The following CCL18 variants were observed in gnomAD, a reference collection of about 807,000 sequenced individuals.
CCL18 encodes the protein C-C motif chemokine 18.
A neutral mutation model predicts 8.0 loss-of-function variants in CCL18; 7 were observed. That is an observed-to-expected ratio of 0.87 (90% confidence interval 0.50 to 1.64). The LOEUF (loss-of-function observed/expected upper bound fraction) is 1.64, where lower values mean the gene tolerates loss of function less well. CCL18 is among the 40% of genes most tolerant of loss of function. CCL18 has a pLI of 0.00. For missense variants in CCL18, 95 were observed against 107.8 expected (o/e 0.88, Z 0.52); for synonymous variants, 35 against 41.3 (o/e 0.85, Z 0.59).
rs544452516 is a variant in CCL18, at chr17:36,064,405, A to C, written c.63A>C (p.Ala21=). Residue 21 remains alanine (A), a synonymous_variant, in exon 1 of 3, where the codon GCA becomes GCC. Coordinates refer to ENST00000616054, the MANE Select transcript of CCL18 (RefSeq NM_002988.4). ...LVCTMALCSC[A]QVGTNKELCC... is the part of the protein sequence containing the mutation. ...GCACCATGGCCCTCTGCTCCTGTGC[A>C]CAAGGTGAGTCTGTCATCCATGTGC... The C allele has an allele frequency of 1.6e-5, 26 of 1,613,414 alleles. No homozygotes were observed. The East Asian group carries it at 5.8e-4, about 36-fold the overall frequency.
In CCL18 at chr17:36,070,588, G is replaced by T. The variant is rs546643687; in HGVS notation, c.179+30G>T. 1.4e-4 allele frequency: 199 copies of T among 1,381,328 alleles called. 1 individual carries two copies. In the South Asian group the frequency reaches 2.1e-3, roughly 15 times the overall value. The allele number at this position is 1,381,328 out of a possible 1,614,324, so 85.6% of individuals were successfully genotyped here. A position where few individuals can be genotyped will look rare whatever the true frequency, so the allele number is the denominator to read the frequency against. On this transcript the variant is annotated intron_variant, in intron 2 of 2. Coordinates refer to ENST00000616054, the MANE Select transcript of CCL18 (RefSeq NM_002988.4). The stretch of plus-strand genomic sequence containing the variant: ...GTGCCAGTGCTCCTGCCCACCCCTC[G>T]GGAGGGAGGATGGGAGGTTTGGGGT...
At chr17:36,066,293 C>A (rs2066836618) in intron 1 of CCL18, among the ~76,000 whole-genome samples, 1 of 152,180 alleles carries the variant, frequency 6.6e-6, no homozygotes, top group Non-Finnish European at 1.5e-5. Flanking sequence ...TCTCACGGGA[C>A]AGATGAGACT....
chr17:36,065,543 G>A (rs1244378122), intron 1 of CCL18, among the ~76,000 whole-genome samples: 3 of 152,180 alleles, frequency 2.0e-5, no homozygotes, highest in African/African-American at 7.2e-5. Context: ...GCCAGGGTAA[G>A]AGCACCAGCT....
In CCL18 at chr17:36,064,332, T is replaced by C. The variant is rs1471292532; in HGVS notation, c.-11T>C. On this transcript the variant is annotated 5_prime_UTR_variant, in exon 1 of 3. Coordinates refer to ENST00000616054, the MANE Select transcript of CCL18 (RefSeq NM_002988.4). Reference sequence around the variant, plus strand: ...AGCTCACTCTGACCACTTCTCTGCCTGCCCAGCATCATGAAGGGCCTTGCA... The same window carrying C: ...AGCTCACTCTGACCACTTCTCTGCCCGCCCAGCATCATGAAGGGCCTTGCA... 2 of 1,613,098 alleles carry C rather than the reference T, an allele frequency of 1.2e-6. No individual in the cohort carries two copies. Among genetic ancestry groups the C allele is most frequent in the Admixed American group, 3.3e-5 (2 of 60,012 alleles).
At chr17:36,065,579 A>T (rs1210781877) in intron 1 of CCL18, among the ~76,000 whole-genome samples, 2 of 152,168 alleles carry the variant, frequency 1.3e-5, no homozygotes, top group East Asian at 3.9e-4. Context: ...TTTGCAGTGG[A>T]TATGGAGAAA....
At chr17:36,065,161 A>G (rs2066830609) in intron 1 of CCL18, among the ~76,000 whole-genome samples, 1 of 152,234 alleles carries the variant, frequency 6.6e-6, no homozygotes, top group South Asian at 2.1e-4. Context: ...GAGCGGTCTT[A>G]AAATTAAAAT....
At position 36,070,802 on chromosome 17, in the gene CCL18, T is replaced by A. The variant is rs559613132; in HGVS notation, c.180-149T>A. On this transcript the variant is annotated intron_variant, in intron 2 of 2. Transcript: ENST00000616054. ...CCTGAGGAACCCCATCTGAGACATT[T>A]GGGGAAGGCCTGTGAACCCCGAAGT... The A allele has an allele frequency of 3.6e-5, 25 of 702,458 alleles. No homozygotes were observed. In the East Asian group the frequency reaches 5.7e-4, roughly 16 times the overall value. 43.5% of individuals were successfully genotyped at this position (702,458 alleles called of 1,614,324 possible).
chr17:36,069,411 C>T (rs1366714949), intron 1 of CCL18, among the ~76,000 whole-genome samples: 2 of 152,146 alleles, frequency 1.3e-5, no homozygotes, highest in Admixed American at 1.3e-4. Context: ...GTGCAATGCA[C>T]AGCATGACAC....
Sources: allele counts gnomAD v4.1 joint callset (sites outside exome capture counted in the v4.1 genomes callset), GRCh38; gene constraint gnomAD v4.1.1; transcripts MANE v1.5; gene names NCBI Gene and HGNC (gene_info 2026-07-23, HGNC 2026-07-21).